Variants in TSPAN9 observed in about 807,000 individuals in gnomAD.
The protein encoded by TSPAN9 is tetraspanin 9, also known as tetraspanin-9.
A neutral mutation model predicts 31.0 loss-of-function variants in TSPAN9; 16 were observed. The ratio of observed to expected loss-of-function variants is 0.52; its 90% CI spans 0.35 to 0.78. The LOEUF (loss-of-function observed/expected upper bound fraction) is 0.78, where lower values mean the gene tolerates loss of function less well. Among genes scored for constraint, TSPAN9 ranks in the 30% least tolerant of loss-of-function variants. TSPAN9 has a pLI of 0.01. For synonymous variants in TSPAN9, 145 were observed against 121.6 expected (o/e 1.19, Z -1.27); for missense variants, 272 against 312.5 (o/e 0.87, Z 0.98).
chr12:3,161,805 A>G lies in TSPAN9; in HGVS notation c.-17-39372A>G, dbSNP rs538060513. Among the ~76,000 whole-genome samples the G allele has an allele frequency of 1.9e-4, 29 of 151,420 alleles. 1 individual carries two copies. In the East Asian group the frequency reaches 4.1e-3, roughly 21 times the overall value. ...TATCTATCTATCTATCTATCTATCT[A>G]TCTATCTATCTGTCTGTCTGTTGTT... On this transcript the variant is annotated intron_variant, in intron 2 of 8. Transcript: ENST00000011898.
chr12:3,156,029 A>G (rs1482624682), intron 2 of TSPAN9, among the ~76,000 whole-genome samples: 1 of 152,202 alleles, frequency 6.6e-6, no homozygotes. Flanking sequence ...GTAAACACCC[A>G]GTGTTATTTA....
chr12:3,126,633 G>C (rs749952596), intron 2 of TSPAN9, among the ~76,000 whole-genome samples: 2 of 152,204 alleles, frequency 1.3e-5, no homozygotes, highest in Non-Finnish European at 2.9e-5. Context: ...TTTGGGCCAG[G>C]CCTGGGGGCT....
intron 2 of TSPAN9, among the ~76,000 whole-genome samples, chr12:3,125,431 C>T (rs920221159): frequency 1.3e-5 from 2 of 152,126 alleles, no homozygotes; most frequent in Non-Finnish European, 2.9e-5. Flanking sequence ...TTCTTCCTCT[C>T]CTCTAACACA....
At chr12:3,087,400 G>A (rs2098301104) in intron 2 of TSPAN9, among the ~76,000 whole-genome samples, 1 of 152,178 alleles carries the variant, frequency 6.6e-6, no homozygotes, top group South Asian at 2.1e-4. Context: ...TGTAGTCCCA[G>A]CTACTCAGGA....
At chr12:3,203,332 C>G (rs2098373090) in intron 3 of TSPAN9, among the ~76,000 whole-genome samples, 1 of 152,174 alleles carries the variant, frequency 6.6e-6, no homozygotes, top group Admixed American at 6.5e-5. Flanking sequence ...AGCTGTAAAT[C>G]CACAACATGT....
chr12:3,244,715 G>C (rs538777936), intron 3 of TSPAN9, among the ~76,000 whole-genome samples: 7 of 152,320 alleles, frequency 4.6e-5, no homozygotes, highest in African/African-American at 1.7e-4. Flanking sequence ...TAGTCACGGT[G>C]TGAGACCCGG....
At chr12:3,202,548 G>A (rs545066857) in intron 3 of TSPAN9, among the ~76,000 whole-genome samples, 5 of 152,284 alleles carry the variant, frequency 3.3e-5, no homozygotes, top group Admixed American at 2.0e-4. Flanking sequence ...CAAATCACTT[G>A]GTCCCTGAAG....
intron 3 of TSPAN9, among the ~76,000 whole-genome samples, chr12:3,251,871 G>A (rs886601373): frequency 7.2e-5 from 11 of 152,176 alleles, no homozygotes; most frequent in Non-Finnish European, 1.6e-4. Context: ...GGAGAAATAC[G>A]GAGCCAGAAG....
At chr12:3,121,533 C>CTTTTTTTTTTTTTT (rs59376087) in intron 2 of TSPAN9, among the ~76,000 whole-genome samples, 1 of 92,926 alleles carries the variant, frequency 1.1e-5, no homozygotes, top group Non-Finnish European at 2.0e-5. Context: ...CTAATTAAAA[C>CTTTTTTTTTTTTTT]TTTTTTTTTT....
intron 2 of TSPAN9, among the ~76,000 whole-genome samples, chr12:3,154,008 A>ATGTG (rs1217236640): frequency 6.0e-4 from 34 of 56,278 alleles, no homozygotes; most frequent in Admixed American, 1.1e-3. Context: ...TATTATATAT[A>ATGTG]TATGTGTGTG....
At chr12:3,267,751 T>A (rs1340367561) in intron 3 of TSPAN9, among the ~76,000 whole-genome samples, 2 of 152,168 alleles carry the variant, frequency 1.3e-5, no homozygotes, top group African/African-American at 4.8e-5. Context: ...CACTTTACAG[T>A]GACCTTGGGA....
intron 3 of TSPAN9, among the ~76,000 whole-genome samples, chr12:3,256,862 G>A (rs1335732022): frequency 3.3e-5 from 5 of 152,144 alleles, no homozygotes; most frequent in Non-Finnish European, 7.4e-5. Context: ...TCTCTCTGAC[G>A]AGTCCATTCC....
At chr12:3,112,567 T>C (rs73247363) in intron 2 of TSPAN9, among the ~76,000 whole-genome samples, 7,489 of 151,830 alleles carry the variant, frequency 0.049, 589 homozygotes, top group African/African-American at 0.17. Context: ...TTTGTTTTTT[T>C]CTAGAATTAA....
chr12:3,243,985 T>C (rs983488024), intron 3 of TSPAN9, among the ~76,000 whole-genome samples: 2 of 152,188 alleles, frequency 1.3e-5, no homozygotes, highest in Admixed American at 1.3e-4. Flanking sequence ...TGGCAGTCAG[T>C]CATAAGTTCT....
intron 2 of TSPAN9, among the ~76,000 whole-genome samples, chr12:3,099,402 T>C (rs551593480): frequency 2.0e-5 from 3 of 152,240 alleles, no homozygotes; most frequent in Non-Finnish European, 4.4e-5. Context: ...TGTCTCATCA[T>C]GTTGATGTTT....
At chr12:3,155,287 G>A (rs978008876) in intron 2 of TSPAN9, among the ~76,000 whole-genome samples, 9 of 152,108 alleles carry the variant, frequency 5.9e-5, no homozygotes, top group African/African-American at 1.9e-4. Flanking sequence ...GTGTGGGAGA[G>A]GCAGCTCACA....
intron 2 of TSPAN9, among the ~76,000 whole-genome samples, chr12:3,180,426 G>A (rs2098358064): frequency 6.6e-6 from 1 of 151,888 alleles, no homozygotes; most frequent in Admixed American, 6.6e-5. Flanking sequence ...GTAGTCAGCT[G>A]TGATTGTACC....
At chr12:3,175,450 C>G (rs1331034104) in intron 2 of TSPAN9, among the ~76,000 whole-genome samples, 1 of 152,212 alleles carries the variant, frequency 6.6e-6, no homozygotes, top group Non-Finnish European at 1.5e-5. Flanking sequence ...CTGCAGACAC[C>G]AGGAAGGTCA....
chr12:3,207,945 G>A (rs2098376226), intron 3 of TSPAN9, among the ~76,000 whole-genome samples: 1 of 152,234 alleles, frequency 6.6e-6, no homozygotes, highest in African/African-American at 2.4e-5. Flanking sequence ...TGAGGGCTGT[G>A]TTTTGAAGGT....
Sources: gnomAD v4.1 joint callset for allele counts (sites outside exome capture counted in the v4.1 genomes callset) on GRCh38, gnomAD v4.1.1 for gene constraint, MANE v1.5 for transcripts, NCBI Gene and HGNC (gene_info 2026-07-23, HGNC 2026-07-21) for gene names.